TRPM3: variants seen among roughly 807,000 people sequenced by gnomAD.
TRPM3 encodes the protein long transient receptor potential channel 3.
In TRPM3, 77 loss-of-function variants were observed where a neutral mutation model predicts 181.2. That is an observed-to-expected ratio of 0.42 (90% confidence interval 0.35 to 0.51). TRPM3 has a LOEUF of 0.51. Among genes scored for constraint, TRPM3 ranks in the 20% least tolerant of loss-of-function variants. The pLI, the probability that TRPM3 is intolerant of heterozygous loss-of-function variation, is 0.01. For missense variants in TRPM3, 1,759 were observed against 2,196.7 expected, an observed-to-expected ratio of 0.80 and a Z score of 3.98; for synonymous variants, 745 against 796.4, an observed-to-expected ratio of 0.94 and a Z score of 1.09.
intron 22 of TRPM3, among the ~76,000 whole-genome samples, chr9:70,560,747 G>C (rs575636521): frequency 6.6e-6 from 1 of 152,288 alleles, no homozygotes; most frequent in African/African-American, 2.4e-5. Flanking sequence ...CTATCAACAT[G>C]AATAACTTGG....
chr9:70,844,938 G>T (rs116485098), intron 4 of TRPM3, among the ~76,000 whole-genome samples: 225 of 152,268 alleles, frequency 1.5e-3, no homozygotes, highest in African/African-American at 5.3e-3. Flanking sequence ...AGGGAAACAT[G>T]GAGCCCAAAA....
intron 15 of TRPM3, among the ~76,000 whole-genome samples, 175 bp from the exon 16 acceptor site, chr9:70,620,540 G>A (rs964666940): frequency 6.6e-6 from 1 of 152,152 alleles, no homozygotes; most frequent in African/African-American, 2.4e-5. Context: ...TAAAACAAGT[G>A]ATGATAAATG....
At chr9:71,085,145 A>ATTTAAATG (rs2065058709) in intron 1 of TRPM3, among the ~76,000 whole-genome samples, 1 of 152,088 alleles carries the variant, frequency 6.6e-6, no homozygotes, top group Non-Finnish European at 1.5e-5. Flanking sequence ...TGGATTACCG[A>ATTTAAATG]TTTAAATGTA....
intron 7 of TRPM3, 42 bp downstream of exon 7, chr9:70,784,063 C>A: frequency 1.3e-6 from 2 of 1,577,132 alleles, no homozygotes; most frequent in Non-Finnish European, 1.7e-6. Context: ...CGTTTCCAAA[C>A]AGGCTTTAGG....
At chr9:71,067,907 A>T (rs1029903751) in intron 1 of TRPM3, among the ~76,000 whole-genome samples, 6 of 152,146 alleles carry the variant, frequency 3.9e-5, no homozygotes, top group Non-Finnish European at 8.8e-5. Context: ...TCACTGGTGA[A>T]ATCAGGGTGC....
rs550109740 is a variant in TRPM3, at chr9:71,370,776, C to G, written c.183+75877G>C. On this transcript the variant is annotated intron_variant, in intron 1 of 24. Coordinates refer to the TRPM3 transcript ENST00000357533. ...CATATTCCCAATGAAGACAAAGCAG[C>G]CTTCTATTGGAAGAAGACCACCTAG... Among the ~76,000 whole-genome samples the G allele has an allele frequency of 9.5e-4, 145 of 152,312 alleles. 1 individual carries two copies. The highest frequency in any genetic ancestry group is 1.9e-3 in the Non-Finnish European group (131 of 68,036).
chr9:71,293,041 A>G (rs533955065), intron 1 of TRPM3, among the ~76,000 whole-genome samples: 1 of 151,982 alleles, frequency 6.6e-6, no homozygotes, highest in Non-Finnish European at 1.5e-5. Context: ...CAAAGAAAGA[A>G]AAGTCTACAT....
At chr9:70,865,569 T>C (rs972286106) in intron 1 of TRPM3, 3 of 152,142 alleles carry the variant, frequency 2.0e-5, no homozygotes, top group African/African-American at 7.2e-5. Context: ...TTAACTGTTA[T>C]AAGCCCCCAT....
At chr9:71,332,633 C>T (rs1405710367) in intron 1 of TRPM3, among the ~76,000 whole-genome samples, 3 of 151,578 alleles carry the variant, frequency 2.0e-5, no homozygotes, top group Non-Finnish European at 4.4e-5. Context: ...AGTTTCCTTA[C>T]CAATTTATTC....
At chr9:71,047,055 T>C (rs779622235) in intron 1 of TRPM3, among the ~76,000 whole-genome samples, 3 of 152,202 alleles carry the variant, frequency 2.0e-5, no homozygotes, top group Admixed American at 6.5e-5. Flanking sequence ...GGTTTTCTTA[T>C]AGTATTTTAT....
rs1230041610 is a variant in TRPM3 at position 70,553,330 on chromosome 9, C to G, written c.3224-20G>C. The G allele has an allele frequency of 6.2e-7, 1 of 1,610,092 alleles. No homozygotes were observed. The highest frequency in any genetic ancestry group is 1.1e-5 in the South Asian group (1 of 90,630). ...AGGGAGCTGGAGGGAGCAACACACA[C>G]AAGAAATGAGAAACTGGCTATTTGA... is the stretch of plus-strand genomic sequence containing the variant. On this transcript the variant is annotated intron_variant, in intron 22 of 25. Coordinates refer to ENST00000677713, the MANE Select transcript of TRPM3 (RefSeq NM_001366145.2).
intron 9 of TRPM3, among the ~76,000 whole-genome samples, chr9:70,652,732 A>G (rs533964757): frequency 2.0e-5 from 3 of 152,320 alleles, no homozygotes; most frequent in South Asian, 2.1e-4. Context: ...AGTAGAAAAT[A>G]GTTGCCAGAA....
At chr9:71,408,438 C>T (rs950887141) in intron 1 of TRPM3, among the ~76,000 whole-genome samples, 9 of 152,126 alleles carry the variant, frequency 5.9e-5, no homozygotes, top group Middle Eastern at 3.4e-3. Flanking sequence ...AACCATGGCA[C>T]GAGAACTACG....
In TRPM3 at chr9:71,298,002, C is replaced by G. The variant is rs75593604; in HGVS notation, c.183+148651G>C. On this transcript the variant is annotated intron_variant, in intron 1 of 24. Coordinates refer to the TRPM3 transcript ENST00000357533. ...AAATTGTACTTTATAAACATAGCAT[C>G]AAAATGTTTACAGTTGGAATTTAGA... 7.2e-3 allele frequency among the ~76,000 whole-genome samples: 1,094 copies of G among 151,946 alleles called. 19 individuals carry two copies. Among genetic ancestry groups the G allele is most frequent in the African/African-American group, 0.025 (1,042 of 41,436 alleles).
At chr9:70,999,520 T>C (rs2097576832) in intron 1 of TRPM3, among the ~76,000 whole-genome samples, 1 of 152,200 alleles carries the variant, frequency 6.6e-6, no homozygotes, top group Non-Finnish European at 1.5e-5. Flanking sequence ...AAGAGTTCAG[T>C]AGATACCATC....
chr9:71,176,008 A>G (rs2077088626), intron 1 of TRPM3, among the ~76,000 whole-genome samples: 1 of 152,120 alleles, frequency 6.6e-6, no homozygotes, highest in African/African-American at 2.4e-5. Context: ...CTTGGTGTAA[A>G]CAGACCTACT....
Position 70,594,131 on chromosome 9 carries a change from AG to A in TRPM3, c.3049-2927del, listed in dbSNP as rs1464543981. 8.6e-4 allele frequency among the ~76,000 whole-genome samples: 130 copies of A among 150,482 alleles called. 3 individuals carry two copies. In the East Asian group the frequency reaches 0.022, roughly 26 times the overall value. Reference sequence around the variant, plus strand: ...AAGGCTTCCTAAATGTTAAAAAGAAAGAAAGAAAGAAAAAGAAATGTAGCTA... The same window carrying A: ...AAGGCTTCCTAAATGTTAAAAAGAAAAAAGAAAGAAAAAGAAATGTAGCTA... On this transcript the variant is annotated intron_variant, in intron 21 of 25. Transcript: ENST00000677713.
intron 1 of TRPM3, among the ~76,000 whole-genome samples, chr9:71,414,727 A>C (rs745386999): frequency 6.6e-6 from 1 of 152,138 alleles, no homozygotes; most frequent in Non-Finnish European, 1.5e-5. Context: ...CATGAAGCAG[A>C]GAAATCCCAA....
intron 6 of TRPM3, among the ~76,000 whole-genome samples, chr9:70,812,142 G>A (rs1007357727): frequency 5.3e-5 from 8 of 152,194 alleles, no homozygotes; most frequent in African/African-American, 1.9e-4. Context: ...CCTTCATTTT[G>A]TTCCTTCCTT....
Sources: gnomAD v4.1 joint callset for allele counts (sites outside exome capture counted in the v4.1 genomes callset) on GRCh38, gnomAD v4.1.1 for gene constraint, MANE v1.5 for transcripts, NCBI Gene and HGNC (gene_info 2026-07-23, HGNC 2026-07-21) for gene names.